MACROD2: variants seen among roughly 807,000 people sequenced by gnomAD.
MACROD2 encodes mono-ADP ribosylhydrolase 2, also known as ADP-ribose glycohydrolase MACROD2.
In MACROD2, 36 loss-of-function variants were observed where a neutral mutation model predicts 70.4. That is an observed-to-expected ratio of 0.51 (90% confidence interval 0.39 to 0.68). MACROD2 has a LOEUF of 0.68. Among genes scored for constraint, MACROD2 ranks in the 30% least tolerant of loss-of-function variants. The pLI is 0.00. For synonymous variants in MACROD2, 172 were observed against 178.8 expected, an observed-to-expected ratio of 0.96 and a Z score of 0.30; for missense variants, 496 against 538.4, an observed-to-expected ratio of 0.92 and a Z score of 0.78.
chr20:15,488,565 A>G (rs914254401), intron 7 of MACROD2, among the ~76,000 whole-genome samples: 1 of 152,184 alleles, frequency 6.6e-6, no homozygotes, highest in Non-Finnish European at 1.5e-5. Flanking sequence ...GATTTTGCCC[A>G]TAGTGCAGAG....
intron 3 of MACROD2, among the ~76,000 whole-genome samples, chr20:14,090,613 A>G (rs1310914288): frequency 6.6e-6 from 1 of 150,660 alleles, no homozygotes; most frequent in Non-Finnish European, 1.5e-5. Flanking sequence ...CCACCTTTGT[A>G]TTTATATCCA....
At chr20:15,971,621 C>G (rs1355443492) in intron 13 of MACROD2, among the ~76,000 whole-genome samples, 1 of 152,170 alleles carries the variant, frequency 6.6e-6, no homozygotes, top group East Asian at 1.9e-4. Context: ...GTTCAAGATT[C>G]CTCCTCTATG....
intron 4 of MACROD2, among the ~76,000 whole-genome samples, chr20:14,603,598 T>C (rs1399787668): frequency 6.6e-6 from 1 of 152,174 alleles, no homozygotes; most frequent in African/African-American, 2.4e-5. Context: ...GAAAAATGGG[T>C]AATGATTAAC....
chr20:15,916,972 G>A (rs2065327825), intron 10 of MACROD2, among the ~76,000 whole-genome samples: 1 of 152,174 alleles, frequency 6.6e-6, no homozygotes, highest in Non-Finnish European at 1.5e-5. Context: ...TGTGGCCTCT[G>A]CCACATATTT....
chr20:14,342,809 G>A (rs187412200), intron 3 of MACROD2, among the ~76,000 whole-genome samples: 1 of 152,202 alleles, frequency 6.6e-6, no homozygotes, highest in African/African-American at 2.4e-5. Flanking sequence ...GCACTGGAAT[G>A]AGATCTGTCA....
At chr20:14,893,310 G>T (rs776319067) in intron 5 of MACROD2, 24 of 152,070 alleles carry the variant, frequency 1.6e-4, no homozygotes, top group East Asian at 9.7e-4. Flanking sequence ...TTCATTATAC[G>T]CCCAGAAGTG....
In MACROD2 at chr20:13,995,998, G is replaced by A. The variant is rs2148603241; in HGVS notation, c.46+189G>A. ...GCGCGCACTCCGGCGTGCACGCGCC[G>A]CCCCTGGGCACCTGCAGCTCGCGCA... On this transcript the variant is annotated intron_variant, in intron 1 of 17. Coordinates refer to ENST00000684519, the MANE Select transcript of MACROD2 (RefSeq NM_001351661.2). This position sits in a 1 kb window ranked among gnomAD's most constrained non-coding sequence, Gnocchi z 4.3. Among the ~76,000 whole-genome samples, 1 of 152,210 alleles carries A rather than the reference G, an allele frequency of 6.6e-6. No homozygotes were observed. Among genetic ancestry groups the A allele is most frequent in the East Asian group, 2.0e-4 (1 of 5,116 alleles).
intron 3 of MACROD2, among the ~76,000 whole-genome samples, chr20:14,486,588 C>T (rs190563225): frequency 2.3e-4 from 32 of 140,826 alleles, no homozygotes; most frequent in African/African-American, 6.7e-4. Flanking sequence ...GGCGTGATCT[C>T]GGCCCACCGC....
At chr20:15,259,263 T>C (rs1407648907) in intron 6 of MACROD2, among the ~76,000 whole-genome samples, 1 of 152,008 alleles carries the variant, frequency 6.6e-6, no homozygotes, top group East Asian at 1.9e-4. Flanking sequence ...GCTTCCTCAC[T>C]GGGCTTTGTT....
At chr20:14,093,144 A>G (rs988555939) in intron 3 of MACROD2, among the ~76,000 whole-genome samples, 1 of 152,172 alleles carries the variant, frequency 6.6e-6, no homozygotes. Context: ...ACAGTGGCAT[A>G]ATCATAGCTC....
At chr20:14,024,168 A>C (rs2053125427) in intron 2 of MACROD2, among the ~76,000 whole-genome samples, 1 of 152,184 alleles carries the variant, frequency 6.6e-6, no homozygotes, top group Non-Finnish European at 1.5e-5. Flanking sequence ...AGCAGTTGTG[A>C]ATGGAAGTTC....
At chr20:15,589,755 A>G (rs990250662) in intron 8 of MACROD2, among the ~76,000 whole-genome samples, 1 of 152,206 alleles carries the variant, frequency 6.6e-6, no homozygotes, top group African/African-American at 2.4e-5. Context: ...CCAGAATGTC[A>G]TATAGTTGGA....
At chr20:15,925,944 C>G (rs2065483214) in intron 10 of MACROD2, among the ~76,000 whole-genome samples, 1 of 152,144 alleles carries the variant, frequency 6.6e-6, no homozygotes. Context: ...GGATGCAGCA[C>G]TATTTGAGTT....
chr20:14,717,729 C>T (rs1223014290), intron 5 of MACROD2, among the ~76,000 whole-genome samples: 1 of 151,982 alleles, frequency 6.6e-6, no homozygotes, highest in African/African-American at 2.4e-5. Context: ...AGAACTGATC[C>T]TTGAGTCAGT....
At chr20:14,489,143 A>C (rs2084766379) in intron 3 of MACROD2, among the ~76,000 whole-genome samples, 1 of 152,238 alleles carries the variant, frequency 6.6e-6, no homozygotes, top group Non-Finnish European at 1.5e-5. Flanking sequence ...TGGTTTCTAC[A>C]TGTGAATCCG....
intron 5 of MACROD2, among the ~76,000 whole-genome samples, chr20:14,719,015 C>G (rs1376633162): frequency 6.6e-6 from 1 of 152,002 alleles, no homozygotes; most frequent in South Asian, 2.1e-4. Context: ...GGGCAGATCA[C>G]GAGATCAAGA....
At chr20:14,910,022 TACTC>T (rs1220137897) in intron 5 of MACROD2, among the ~76,000 whole-genome samples, 5 of 152,180 alleles carry the variant, frequency 3.3e-5, no homozygotes, top group Non-Finnish European at 7.4e-5. Context: ...TTGCTAATGA[TACTC>T]ACTTAGCCTC....
chr20:16,046,238 T>C (rs1194968904), intron 17 of MACROD2, among the ~76,000 whole-genome samples: 5 of 152,158 alleles, frequency 3.3e-5, no homozygotes, highest in Admixed American at 3.3e-4. Context: ...GAATATCCTA[T>C]AAAACTAAAT....
chr20:14,228,643 A>G (rs1431394938), intron 3 of MACROD2, among the ~76,000 whole-genome samples: 1 of 152,228 alleles, frequency 6.6e-6, no homozygotes, highest in Non-Finnish European at 1.5e-5. Context: ...AAATGATGTA[A>G]AAACGTATAG....
Sources: gnomAD v4.1 joint callset for allele counts (sites outside exome capture counted in the v4.1 genomes callset) on GRCh38, gnomAD v4.1.1 for gene constraint, Gnocchi (gnomAD v3.1) non-coding constraint, MANE v1.5 for transcripts, NCBI Gene and HGNC (gene_info 2026-07-23, HGNC 2026-07-21) for gene names.